CHST9: variants seen among roughly 807,000 people sequenced by gnomAD.
CHST9 encodes the protein GalNAc-4-sulfotransferase 2.
Under a neutral mutation model 44.4 loss-of-function variants are expected in CHST9, and 41 were observed. That is an observed-to-expected ratio of 0.92 (90% CI 0.72 to 1.20). The LOEUF (loss-of-function observed/expected upper bound fraction) is 1.20, where lower values mean the gene tolerates loss of function less well. Among genes scored for constraint, CHST9 ranks in the 50% most tolerant of loss-of-function variants. CHST9 has a pLI of 0.00. For synonymous variants in CHST9, 171 were observed against 178.4 expected (o/e 0.96, Z 0.33); for missense variants, 504 against 516.5 (o/e 0.98, Z 0.23).
intron 1 of CHST9, among the ~76,000 whole-genome samples, chr18:27,167,677 A>C (rs1316616434): frequency 6.6e-6 from 1 of 152,232 alleles, no homozygotes; most frequent in Non-Finnish European, 1.5e-5. Context: ...ATAAAGTGTG[A>C]CAAGTGCTAA....
At chr18:27,120,683 G>T (rs2058367101) in intron 2 of CHST9, among the ~76,000 whole-genome samples, 1 of 152,128 alleles carries the variant, frequency 6.6e-6, no homozygotes, top group Admixed American at 6.5e-5. Flanking sequence ...TATTTTCTCT[G>T]TGACTCAGTT....
intron 3 of CHST9, among the ~76,000 whole-genome samples, chr18:27,029,917 G>A (rs1006268098): frequency 5.3e-5 from 8 of 152,108 alleles, no homozygotes; most frequent in Admixed American, 2.0e-4. Flanking sequence ...TTTCCATCAA[G>A]TCCTTCTTTA....
intron 5 of CHST9, chr18:26,934,772 G>A (rs1352507292): frequency 6.6e-6 from 1 of 152,174 alleles, no homozygotes; most frequent in African/African-American, 2.4e-5. Flanking sequence ...GTTTCCTGCT[G>A]AATCAAGTCT....
intron 5 of CHST9, chr18:26,935,086 T>A (rs2055963497): frequency 6.6e-6 from 1 of 152,218 alleles, no homozygotes; most frequent in Admixed American, 6.5e-5. Flanking sequence ...AAAGCATATA[T>A]CACTGGCATT....
At chr18:27,183,812 A>G (rs2058932815) in intron 1 of CHST9, among the ~76,000 whole-genome samples, 1 of 152,180 alleles carries the variant, frequency 6.6e-6, no homozygotes, top group Admixed American at 6.5e-5. Flanking sequence ...GCTCTTGCCC[A>G]TGAAAAACAA....
At chr18:27,047,464 A>G (rs1421762521) in intron 3 of CHST9, among the ~76,000 whole-genome samples, 3 of 151,402 alleles carry the variant, frequency 2.0e-5, no homozygotes, top group Non-Finnish European at 2.9e-5. Context: ...TGCAAACAAT[A>G]ATATTTAACA....
chr18:26,938,307 C>G (rs2056029474), intron 5 of CHST9, among the ~76,000 whole-genome samples: 1 of 152,128 alleles, frequency 6.6e-6, no homozygotes, highest in African/African-American at 2.4e-5. Context: ...ATAAATTCTT[C>G]TTTGTTAACC....
rs1234306378 is a variant in CHST9, at chr18:26,961,429, C to CT, written c.203-17064dup. Among the ~76,000 whole-genome samples the CT allele has an allele frequency of 4.8e-3, 703 of 145,166 alleles. 3 individuals carry two copies. The highest frequency in any genetic ancestry group is 0.014 in the African/African-American group (567 of 39,656). ...CTTTTAATTTAAGCACATCTGTTTC[C>CT]TTTTTTTTTTTTGCCCTTGTGACAG... On this transcript the variant is annotated intron_variant, in intron 4 of 5. Coordinates refer to ENST00000618847, the MANE Select transcript of CHST9 (RefSeq NM_031422.6).
intron 2 of CHST9, among the ~76,000 whole-genome samples, chr18:27,049,296 C>G (rs187950583): frequency 3.0e-4 from 46 of 152,002 alleles, no homozygotes; most frequent in African/African-American, 1.1e-3. Context: ...GAGAAGAAGT[C>G]AAGATGAGTG....
chr18:27,131,500 A>G (rs9961184), intron 2 of CHST9, among the ~76,000 whole-genome samples: 114,857 of 152,138 alleles, frequency 0.75, 43,692 homozygotes, highest in East Asian at 0.92. Flanking sequence ...GCAGTGAGCC[A>G]AGATCGCACT....
intron 2 of CHST9, among the ~76,000 whole-genome samples, chr18:27,098,155 C>A (rs111372076): frequency 0.027 from 4,101 of 151,628 alleles, 175 homozygotes; most frequent in African/African-American, 0.093. Flanking sequence ...AGGATATGAA[C>A]AGACACTTCT....
chr18:27,117,456 G>A (rs1344279436), intron 2 of CHST9, among the ~76,000 whole-genome samples: 1 of 152,096 alleles, frequency 6.6e-6, no homozygotes, highest in East Asian at 1.9e-4. Flanking sequence ...ATTCTATAGG[G>A]TTAATAAATG....
intron 2 of CHST9, among the ~76,000 whole-genome samples, chr18:27,089,410 G>T (rs1337330123): frequency 4.6e-5 from 7 of 151,912 alleles, no homozygotes; most frequent in Non-Finnish European, 8.8e-5. Context: ...CCTTGTGATA[G>T]TTTGTGGAGA....
intron 4 of CHST9, among the ~76,000 whole-genome samples, chr18:27,008,574 G>A (rs2057044698): frequency 6.6e-6 from 1 of 152,194 alleles, no homozygotes; most frequent in African/African-American, 2.4e-5. Context: ...CTTTGAAACA[G>A]TGTGTATTGA....
chr18:27,033,927 A>C (rs904336455), intron 3 of CHST9, among the ~76,000 whole-genome samples: 1 of 152,068 alleles, frequency 6.6e-6, no homozygotes, highest in African/African-American at 2.4e-5. Context: ...GGGGCCTTGG[A>C]ATTCCTCTTG....
At chr18:26,936,242 G>T (rs1476501907) in intron 5 of CHST9, 5 of 152,112 alleles carry the variant, frequency 3.3e-5, no homozygotes, top group Non-Finnish European at 7.4e-5. Flanking sequence ...TTTTATCTGA[G>T]ATGATGACTA....
At chr18:27,045,876 T>C in intron 3 of CHST9, among the ~76,000 whole-genome samples, 1 of 152,208 alleles carries the variant, frequency 6.6e-6, no homozygotes, top group African/African-American at 2.4e-5. Flanking sequence ...AGGACAGTTT[T>C]ATTCCATAGT....
intron 5 of CHST9, among the ~76,000 whole-genome samples, chr18:26,920,311 C>G (rs1339027609): frequency 6.6e-6 from 1 of 152,164 alleles, no homozygotes; most frequent in East Asian, 1.9e-4. Flanking sequence ...GTCTTAACAG[C>G]CAGCATGACT....
At chr18:27,061,491 A>T (rs1287323377) in intron 2 of CHST9, among the ~76,000 whole-genome samples, 1 of 152,180 alleles carries the variant, frequency 6.6e-6, no homozygotes, top group East Asian at 1.9e-4. Context: ...TCACTTTCAC[A>T]GAAGGTGAGG....
Sources: gnomAD v4.1 joint callset for allele counts (sites outside exome capture counted in the v4.1 genomes callset) on GRCh38, gnomAD v4.1.1 for gene constraint, MANE v1.5 for transcripts, NCBI Gene and HGNC (gene_info 2026-07-23, HGNC 2026-07-21) for gene names.